Variants in RBM6 observed in about 807,000 individuals in gnomAD.
RBM6 encodes the protein RNA binding motif protein 6.
A neutral mutation model predicts 140.4 loss-of-function variants in RBM6; 23 were observed. That is an observed-to-expected ratio of 0.16 (90% CI 0.12 to 0.23). The LOEUF is 0.23. Ranked by LOEUF, RBM6 falls within the 10% of genes least tolerant of loss-of-function variation. The pLI is 1.00. For missense variants in RBM6, 1,139 were observed against 1,386.7 expected, an observed-to-expected ratio of 0.82 and a Z score of 2.84; for synonymous variants, 439 against 475.6, an observed-to-expected ratio of 0.92 and a Z score of 1.00.
intron 6 of RBM6, among the ~76,000 whole-genome samples, chr3:50,000,110 C>T (rs73832787): frequency 0.033 from 4,989 of 152,262 alleles, 305 homozygotes; most frequent in African/African-American, 0.12. Context: ...GAATCAGAAT[C>T]TGTACTCACC....
intron 6 of RBM6, among the ~76,000 whole-genome samples, chr3:50,027,241 G>A (rs1470121805): frequency 6.6e-6 from 1 of 151,890 alleles, no homozygotes; most frequent in East Asian, 1.9e-4. Context: ...GCCAGAATAG[G>A]GCAAAAAGGG....
intron 20 of RBM6, among the ~76,000 whole-genome samples, 171 bp downstream of exon 20, chr3:50,075,501 C>CTGGG (rs1377994257): frequency 6.6e-6 from 1 of 152,166 alleles, no homozygotes; most frequent in Non-Finnish European, 1.5e-5. Flanking sequence ...GCTTGGCAGG[C>CTGGG]TGGGCCCTTT....
intron 6 of RBM6, among the ~76,000 whole-genome samples, chr3:50,046,924 C>T (rs1354899099): frequency 6.6e-6 from 1 of 152,150 alleles, no homozygotes; most frequent in Non-Finnish European, 1.5e-5. Flanking sequence ...GTTATTTCAT[C>T]GGATCATTTA....
chr3:50,006,573 T>A (rs7635601), intron 6 of RBM6, among the ~76,000 whole-genome samples: 32,506 of 152,106 alleles, frequency 0.21, 3,786 homozygotes, highest in Middle Eastern at 0.27. Context: ...TTAACCTCTC[T>A]GTGTTTTAAC....
At chr3:50,010,657 C>G (rs999355278) in intron 6 of RBM6, among the ~76,000 whole-genome samples, 5 of 151,956 alleles carry the variant, frequency 3.3e-5, no homozygotes, top group African/African-American at 1.2e-4. Flanking sequence ...AATCCCAGCA[C>G]TTTGGGAGGC....
At chr3:50,041,217 A>G (rs1049399306) in intron 6 of RBM6, among the ~76,000 whole-genome samples, 5 of 152,188 alleles carry the variant, frequency 3.3e-5, no homozygotes, top group Non-Finnish European at 5.9e-5. Flanking sequence ...TACATTGGAC[A>G]CTGAAGTAGG....
intron 6 of RBM6, among the ~76,000 whole-genome samples, chr3:50,021,496 T>C (rs2087477099): frequency 6.6e-6 from 1 of 151,944 alleles, no homozygotes; most frequent in South Asian, 2.1e-4. Context: ...AAAAATTAGC[T>C]GGGTGTGGTG....
At chr3:49,963,615 G>A (rs2084380127) in intron 2 of RBM6, among the ~76,000 whole-genome samples, 1 of 152,036 alleles carries the variant, frequency 6.6e-6, no homozygotes, top group South Asian at 2.1e-4. Flanking sequence ...TCAATTTTAG[G>A]GGTTACTTGG....
chr3:50,015,479 G>A (rs936760493), intron 6 of RBM6, among the ~76,000 whole-genome samples: 1 of 150,436 alleles, frequency 6.6e-6, no homozygotes, highest in African/African-American at 2.4e-5. Context: ...TGCCCAGGCT[G>A]GAGTGCAGTG....
chr3:50,055,141 A>T (rs914994132), intron 8 of RBM6, among the ~76,000 whole-genome samples: 1 of 152,120 alleles, frequency 6.6e-6, no homozygotes, highest in African/African-American at 2.4e-5. Flanking sequence ...CAAAAGTGCA[A>T]TTTGAGCTAG....
At chr3:49,981,195 C>T (rs949574639) in intron 5 of RBM6, among the ~76,000 whole-genome samples, 5 of 152,082 alleles carry the variant, frequency 3.3e-5, no homozygotes, top group African/African-American at 4.8e-5. Context: ...CCACTGCGTC[C>T]GGCCTATATT....
At chr3:50,040,461 AAAAAAAAAAAATAT>A (rs1190002254) in intron 6 of RBM6, among the ~76,000 whole-genome samples, 47 of 47,844 alleles carry the variant, frequency 9.8e-4, no homozygotes, top group Middle Eastern at 0.01. Flanking sequence ...AAAAAAAAAA[AAAAAAAAAAAATAT>A]ATATATATAT....
intron 6 of RBM6, among the ~76,000 whole-genome samples, chr3:50,036,648 G>A (rs1351339360): frequency 6.6e-6 from 1 of 152,192 alleles, no homozygotes. Flanking sequence ...TTAGAAGCCA[G>A]CCCTCATTTT....
chr3:50,048,919 C>T (rs2089340150), intron 7 of RBM6, among the ~76,000 whole-genome samples: 1 of 152,112 alleles, frequency 6.6e-6, no homozygotes, highest in Admixed American at 6.6e-5. Flanking sequence ...TCTGCTGCCT[C>T]AGCCTCCCGA....
chr3:50,026,901 CAAAA>C (rs139771207), intron 6 of RBM6, among the ~76,000 whole-genome samples: 1 of 119,550 alleles, frequency 8.4e-6, no homozygotes. Context: ...CTTGTCTCAC[CAAAA>C]AAAAAAAAAA....
intron 1 of RBM6, among the ~76,000 whole-genome samples, chr3:49,945,066 G>A (rs1192900744): frequency 6.6e-6 from 1 of 151,326 alleles, no homozygotes; most frequent in African/African-American, 2.4e-5. Flanking sequence ...TAGTAGAGAC[G>A]GGGTTTCACC....
intron 6 of RBM6, among the ~76,000 whole-genome samples, chr3:50,040,585 C>T (rs1336462879): frequency 7.1e-6 from 1 of 141,668 alleles, no homozygotes; most frequent in African/African-American, 2.6e-5. Context: ...TAGATATATA[C>T]ATATATATGT....
rs376488896 is a variant in RBM6 at position 50,059,798 on chromosome 3, G to A, written c.2228+52G>A. The A allele has an allele frequency of 4.2e-6, 6 of 1,425,860 alleles. No individual in the cohort carries two copies. The African/African-American group carries it at 4.3e-5, about 10-fold the overall frequency. 88.3% of individuals were successfully genotyped at this position (1,425,860 alleles called of 1,614,324 possible). On this transcript the variant is annotated intron_variant, in intron 11 of 20. Coordinates refer to ENST00000266022, the MANE Select transcript of RBM6 (RefSeq NM_005777.3). ...GTGCTGCCCCCACTTGTGTTTTTGA[G>A]AGGAAACTCCTTTTCCTGGCTGGAA...
At chr3:49,955,160 CTTTTTTTTTTT>C (rs869272546) in intron 1 of RBM6, among the ~76,000 whole-genome samples, 42 of 72,714 alleles carry the variant, frequency 5.8e-4, no homozygotes, top group Non-Finnish European at 8.6e-4. Flanking sequence ...TTTTTTCTTT[CTTTTTTTTTTT>C]TTTTTTTTTT....
Sources: gnomAD v4.1 joint callset for allele counts (sites outside exome capture counted in the v4.1 genomes callset) on GRCh38, gnomAD v4.1.1 for gene constraint, MANE v1.5 for transcripts, NCBI Gene and HGNC (gene_info 2026-07-23, HGNC 2026-07-21) for gene names.